NRG1: variants seen among roughly 807,000 people sequenced by gnomAD.
The protein encoded by NRG1 is pro-neuregulin-1, membrane-bound isoform.
NRG1 carries 18 observed loss-of-function variants against 63.8 expected under a neutral mutation model. That is an observed-to-expected ratio of 0.28 (90% CI 0.19 to 0.42). The LOEUF is 0.42. NRG1 is among the 10% of genes least tolerant of loss of function. The pLI, the probability that NRG1 is intolerant of heterozygous loss-of-function variation, is 1.00. For synonymous variants in NRG1, 302 were observed against 301.3 expected (o/e 1.00, Z -0.02); for missense variants, 762 against 814.7 (o/e 0.94, Z 0.79).
At chr8:32,721,280 A>G (rs1820560741) in intron 5 of NRG1, among the ~76,000 whole-genome samples, 1 of 152,202 alleles carries the variant, frequency 6.6e-6, no homozygotes, top group Non-Finnish European at 1.5e-5. Context: ...TAGTCCTATC[A>G]TTCTATATAT....
intron 1 of NRG1, among the ~76,000 whole-genome samples, chr8:32,375,842 C>T (rs1431486865): frequency 1.3e-5 from 2 of 152,170 alleles, no homozygotes; most frequent in African/African-American, 2.4e-5. Context: ...ACCACAAACA[C>T]AAGGCCACCA....
At chr8:32,700,232 A>G (rs1814491136) in intron 5 of NRG1, among the ~76,000 whole-genome samples, 1 of 152,224 alleles carries the variant, frequency 6.6e-6, no homozygotes, top group South Asian at 2.1e-4. Context: ...ATTGGTATAT[A>G]TAATTTATTA....
At chr8:31,803,507 A>T (rs866954118) in intron 1 of NRG1, among the ~76,000 whole-genome samples, 65 of 152,294 alleles carry the variant, frequency 4.3e-4, no homozygotes, top group African/African-American at 1.4e-3. Flanking sequence ...CTAGTGGACC[A>T]TATTGAATTT....
chr8:32,181,330 A>G (rs1364697357), intron 1 of NRG1, among the ~76,000 whole-genome samples: 1 of 152,146 alleles, frequency 6.6e-6, no homozygotes, highest in African/African-American at 2.4e-5. Flanking sequence ...CCTTCTTCCT[A>G]TAGTTTCATT....
chr8:31,782,613 T>C (rs1317136533), intron 1 of NRG1, among the ~76,000 whole-genome samples: 1 of 152,144 alleles, frequency 6.6e-6, no homozygotes, highest in Non-Finnish European at 1.5e-5. Context: ...CACATTACAT[T>C]GGGGTTTTCT....
At chr8:31,639,572 A>C in intron 1 of NRG1, 1 of 1,436,834 alleles carries the variant, frequency 7.0e-7, no homozygotes, top group Non-Finnish European at 9.3e-7. Flanking sequence ...CCGCCGCAGC[A>C]TCACTTCACA....
At position 31,748,928 on chromosome 8, in the gene NRG1, T is replaced by G. The variant is rs76538682; in HGVS notation, c.37+109497T>G. Among the ~76,000 whole-genome samples, 5 of 151,978 alleles carry G rather than the reference T, an allele frequency of 3.3e-5. No individual in the cohort carries two copies. The East Asian group carries it at 5.8e-4, about 18-fold the overall frequency. On this transcript the variant is annotated intron_variant, in intron 1 of 10. Transcript: ENST00000519301. ...CCTCTCAGATTCTAGCCTGAGAAAA[T>G]ATACTGAAATGCAAAGGTTTTTGCA...
At chr8:32,638,534 C>A (rs1184790723) in intron 5 of NRG1, among the ~76,000 whole-genome samples, 3 of 152,114 alleles carry the variant, frequency 2.0e-5, no homozygotes, top group African/African-American at 7.2e-5. Context: ...CCTTCTGTTG[C>A]CTAGGCTGGT....
chr8:31,808,407 T>A (rs1822506931), intron 1 of NRG1, among the ~76,000 whole-genome samples: 1 of 152,076 alleles, frequency 6.6e-6, no homozygotes, highest in Non-Finnish European at 1.5e-5. Flanking sequence ...AAAACGAGTT[T>A]AACAGATAAT....
At chr8:31,901,370 T>C (rs984169161) in intron 1 of NRG1, among the ~76,000 whole-genome samples, 1 of 152,156 alleles carries the variant, frequency 6.6e-6, no homozygotes, top group African/African-American at 2.4e-5. Flanking sequence ...ATTGTTTCAA[T>C]AGTACACCAA....
At chr8:32,450,266 G>C (rs12550427) in intron 1 of NRG1, among the ~76,000 whole-genome samples, 1 of 152,018 alleles carries the variant, frequency 6.6e-6, no homozygotes, top group South Asian at 2.1e-4. Context: ...AAATCCAGGT[G>C]AAGTAGCAGC....
intron 1 of NRG1, among the ~76,000 whole-genome samples, chr8:31,806,205 C>T (rs1188235411): frequency 6.6e-6 from 1 of 152,068 alleles, no homozygotes; most frequent in East Asian, 1.9e-4. Context: ...CACATGCTAT[C>T]AACTGGAAAA....
intron 1 of NRG1, among the ~76,000 whole-genome samples, chr8:31,697,901 T>C (rs1021877710): frequency 6.6e-6 from 1 of 151,884 alleles, no homozygotes; most frequent in African/African-American, 2.4e-5. Flanking sequence ...TCTTTCTTTT[T>C]TTTTTTTGAT....
intron 1 of NRG1, among the ~76,000 whole-genome samples, chr8:32,006,231 AAC>A (rs1298654789): frequency 1.3e-5 from 2 of 152,012 alleles, no homozygotes; most frequent in African/African-American, 4.8e-5. Context: ...TGTAGATGTA[AAC>A]ACTATTTATT....
chr8:32,154,009 G>A (rs1228351317), intron 1 of NRG1, among the ~76,000 whole-genome samples: 1 of 152,128 alleles, frequency 6.6e-6, no homozygotes, highest in Non-Finnish European at 1.5e-5. Context: ...TTGGCTTTTG[G>A]ACAAATAACA....
chr8:32,583,103 A>AT (rs1840965537), intron 1 of NRG1, among the ~76,000 whole-genome samples: 1 of 151,682 alleles, frequency 6.6e-6, no homozygotes, highest in Non-Finnish European at 1.5e-5. Context: ...TTTTTCAGAT[A>AT]TTTGTCATGT....
At position 32,432,160 on chromosome 8, in the gene NRG1, C is replaced by A. The variant is rs1368481409; in HGVS notation, c.38-163668C>A. ...TGAGATCCTTGAAATAATTAATACA[C>A]CTGGTATAACTCCCATCATTAGGTA... On this transcript the variant is annotated intron_variant, in intron 1 of 10. Transcript: ENST00000519301. Among the ~76,000 whole-genome samples the A allele has an allele frequency of 2.0e-5, 3 of 152,112 alleles. No individual in the cohort carries two copies. The East Asian group carries it at 5.8e-4, about 29-fold the overall frequency.
At chr8:32,489,252 G>A (rs780760885) in intron 1 of NRG1, among the ~76,000 whole-genome samples, 1 of 152,148 alleles carries the variant, frequency 6.6e-6, no homozygotes, top group Non-Finnish European at 1.5e-5. Flanking sequence ...CACCTGAGGC[G>A]TTCTTCGGGT....
At chr8:32,547,259 T>C (rs1292207727), upstream of NRG1, among the ~76,000 whole-genome samples, 1 of 152,112 alleles carries the variant, frequency 6.6e-6, no homozygotes, top group African/African-American at 2.4e-5. Flanking sequence ...TTTAGAATTC[T>C]CCACCAGAGG....
Sources: allele counts gnomAD v4.1 joint callset (sites outside exome capture counted in the v4.1 genomes callset), GRCh38; gene constraint gnomAD v4.1.1; transcripts MANE v1.5; gene names NCBI Gene and HGNC (gene_info 2026-07-23, HGNC 2026-07-21).